The following DGKH variants were observed in gnomAD, a reference collection of about 807,000 sequenced individuals.
DGKH encodes the protein DAG kinase eta.
A neutral mutation model predicts 159.3 loss-of-function variants in DGKH; 90 were observed. The ratio of observed to expected loss-of-function variants is 0.57; its 90% confidence interval spans 0.48 to 0.67. The LOEUF is 0.67. DGKH is among the 30% of genes least tolerant of loss of function. The probability of loss-of-function intolerance (pLI) is 0.00; values close to 1 mark genes in which losing one functional copy is unlikely to be tolerated. For missense variants in DGKH, 1,181 were observed against 1,506.1 expected (o/e 0.78, Z 3.57); for synonymous variants, 536 against 553.8 (o/e 0.97, Z 0.45).
At chr13:42,088,845 A>G (rs1954359091) in intron 1 of DGKH, among the ~76,000 whole-genome samples, 1 of 152,202 alleles carries the variant, frequency 6.6e-6, no homozygotes, top group Admixed American at 6.5e-5. Context: ...AAATCAATAC[A>G]ATCCAATTAT....
chr13:42,199,686 G>A lies in DGKH; in HGVS notation c.2396+10G>A, dbSNP rs1359178484. The A allele has an allele frequency of 8.9e-6, 14 of 1,578,510 alleles. No homozygotes were observed. Among genetic ancestry groups the A allele is most frequent in the Non-Finnish European group, 1.2e-5 (14 of 1,165,804 alleles). On this transcript the variant is annotated intron_variant, in intron 19 of 29. Coordinates refer to ENST00000337343, the MANE Select transcript of DGKH (RefSeq NM_178009.5). ...ACCCTGAAAAATGCAGGTAATTTTA[G>A]TAAAAGTAATAATGCTATTACATAA...
In DGKH at chr13:42,210,771, G is replaced by A. The variant is rs758579576; in HGVS notation, c.3014+6G>A. ...GCAGAGGAGCTCATTACTAGGTAGG[G>A]GGCTCTGCTGACTTTTCAGGCTGTG... is the stretch of plus-strand genomic sequence containing the variant. On this transcript the variant is annotated splice_donor_region_variant and intron_variant, in intron 24 of 29. Transcript: ENST00000337343. 1.0e-5 allele frequency: 16 copies of A among 1,604,938 alleles called. No individual in the cohort carries two copies. The South Asian group carries it at 1.6e-4, about 16-fold the overall frequency.
In DGKH at chr13:42,129,645, T is replaced by C. The variant is rs1286968015; in HGVS notation, c.384+13T>C. 14 of 1,606,578 alleles carry C rather than the reference T, an allele frequency of 8.7e-6. No homozygotes were observed. Among genetic ancestry groups the C allele is most frequent in the Non-Finnish European group, 1.2e-5 (14 of 1,175,230 alleles). The stretch of plus-strand genomic sequence containing the variant: ...CAACAGCTTCACGGTATGGTTATAT[T>C]CTGCTAACTCCCTTCTCAAAAGTTA... On this transcript the variant is annotated intron_variant, in intron 3 of 29. Transcript: ENST00000337343.
chr13:42,174,399 A>C (rs542210015), intron 12 of DGKH, among the ~76,000 whole-genome samples: 19 of 152,154 alleles, frequency 1.2e-4, no homozygotes, highest in African/African-American at 4.6e-4. Flanking sequence ...GGGACTCTTC[A>C]TGTGTAAAGT....
Position 42,241,640 on chromosome 13 carries a change from C to A in DGKH, c.*12452C>A, listed in dbSNP as rs1958516014. On this transcript the variant is annotated 3_prime_UTR_variant, in exon 30 of 30. Transcript: ENST00000337343. ...TATATAAGAGCTGTGCATGGTAAAC[C>A]CACAGTAGAAGGGAAAAAGTAATGC... 1 of 152,126 alleles carries A rather than the reference C, an allele frequency of 6.6e-6. No homozygotes were observed. Among genetic ancestry groups the A allele is most frequent in the African/African-American group, 2.4e-5 (1 of 41,418 alleles). 9.4% of individuals were successfully genotyped at this position (152,126 alleles called of 1,614,324 possible). A position where few individuals can be genotyped will look rare whatever the true frequency, so the allele number is the denominator to read the frequency against.
In DGKH at chr13:42,048,984, GC is replaced by G. The variant is rs1357045918; in HGVS notation, c.192+21del. ...GACCAAGGTAGGGCGGAGGAGGCGGGCCTGAGGGCCGCGTGGAAAGCGGGAG... is the reference window on the plus strand; with the variant it reads ...GACCAAGGTAGGGCGGAGGAGGCGGGCTGAGGGCCGCGTGGAAAGCGGGAG... On this transcript the variant is annotated intron_variant, in intron 1 of 29. Coordinates refer to ENST00000337343, the MANE Select transcript of DGKH (RefSeq NM_178009.5). This position sits in a 1 kb window ranked among gnomAD's most constrained non-coding sequence, Gnocchi z 6.7. The G allele has an allele frequency of 7.9e-7, 1 of 1,271,072 alleles. No individual in the cohort carries two copies. The highest frequency in any genetic ancestry group is 1.0e-6 in the Non-Finnish European group (1 of 1,000,564). The allele number at this position is 1,271,072 out of a possible 1,614,324, so 78.7% of individuals were successfully genotyped here. A position where few individuals can be genotyped will look rare whatever the true frequency, so the allele number is the denominator to read the frequency against.
At chr13:42,180,743 A>G (rs1020815863) in intron 13 of DGKH, among the ~76,000 whole-genome samples, 8 of 152,280 alleles carry the variant, frequency 5.3e-5, no homozygotes, top group Non-Finnish European at 8.8e-5. Context: ...CCCAGATACA[A>G]TTCTAGGGAA....
intron 1 of DGKH, among the ~76,000 whole-genome samples, chr13:42,053,480 CTATA>C (rs1252852683): frequency 7.0e-6 from 1 of 143,742 alleles, no homozygotes; most frequent in Non-Finnish European, 1.5e-5. Flanking sequence ...ATATGTATAA[CTATA>C]TAACTATATG....
In DGKH at chr13:42,166,664, C is replaced by G. The variant is rs766686422; in HGVS notation, c.1108C>G (p.Pro370Ala). 92 of 1,592,532 alleles carry G rather than the reference C, an allele frequency of 5.8e-5. 1 individual carries two copies. The South Asian group carries it at 1.1e-3, about 18-fold the overall frequency. The change falls in exon 9 of 30, where the codon CCT becomes GCT. Residue 370 changes from proline (P) to alanine (A), a missense_variant. Coordinates refer to ENST00000337343, the MANE Select transcript of DGKH (RefSeq NM_178009.5). The part of the protein sequence containing the change: ...AQVFDLMNGG[P>A]HLGLRLFQKF... ...GGTGTTTGATTTAATGAATGGAGGT[C>G]CTCATTTAGGGTAACTGATTATTGA...
At chr13:42,182,443 A>T (rs1206743739) in intron 13 of DGKH, among the ~76,000 whole-genome samples, 2 of 149,394 alleles carry the variant, frequency 1.3e-5, no homozygotes, top group Non-Finnish European at 2.9e-5. Flanking sequence ...ACCCCCTTGG[A>T]TACCAATATT....
chr13:42,071,335 G>T (rs1882955875), intron 1 of DGKH, among the ~76,000 whole-genome samples: 1 of 152,216 alleles, frequency 6.6e-6, no homozygotes, highest in African/African-American at 2.4e-5. Context: ...AGTACTCATA[G>T]TTCAAGAAAG....
chr13:42,168,844 T>C, intron 11 of DGKH, 26 bp downstream of exon 11: 2 of 1,597,184 alleles, frequency 1.3e-6, no homozygotes, highest in Non-Finnish European at 1.7e-6. Flanking sequence ...TTTCTACAAC[T>C]AGATGGAAAA....
intron 30 of DGKH, chr13:42,256,119 A>T (rs1958655582): frequency 1.7e-6 from 2 of 1,186,254 alleles, no homozygotes; most frequent in Non-Finnish European, 2.5e-6. Flanking sequence ...GGCAAGGTGA[A>T]CCCTACTCAG....
chr13:42,153,978 C>T (rs974858116), intron 3 of DGKH: 5 of 152,258 alleles, frequency 3.3e-5, no homozygotes, highest in Admixed American at 3.3e-4. Flanking sequence ...TAGCCTAAAC[C>T]CATGACAAAT....
intron 12 of DGKH, among the ~76,000 whole-genome samples, chr13:42,174,641 C>G (rs1238561521): frequency 6.6e-6 from 1 of 152,150 alleles, no homozygotes; most frequent in Non-Finnish European, 1.5e-5. Flanking sequence ...CCAAACATAC[C>G]AATACTCGTG....
At chr13:42,214,380 A>G in intron 24 of DGKH, 127 bp from the exon 25 acceptor site, 1 of 745,032 alleles carries the variant, frequency 1.3e-6, no homozygotes. Flanking sequence ...AGCAGCCATT[A>G]AAAGTGTTCT....
At chr13:42,199,729 T>C in intron 19 of DGKH, 53 bp downstream of exon 19, 1 of 1,557,052 alleles carries the variant, frequency 6.4e-7, no homozygotes, top group Non-Finnish European at 8.7e-7. Flanking sequence ...TTTTTCTTCA[T>C]TTATTATGTC....
At chr13:42,050,279 G>A (rs554866940) in intron 1 of DGKH, among the ~76,000 whole-genome samples, 2 of 152,340 alleles carry the variant, frequency 1.3e-5, no homozygotes, top group South Asian at 4.1e-4. Flanking sequence ...GCTGAGGCAG[G>A]AGAATCGTTT....
In DGKH at chr13:42,229,261, T is replaced by C. The variant is rs1288529442; in HGVS notation, c.*73T>C. ...AAAGTCCTTGGAAGCAAGTGGCTGT[T>C]CTTGTAGTTTTCTGCATAGATAAGT... On this transcript the variant is annotated 3_prime_UTR_variant, in exon 30 of 30. Transcript: ENST00000337343. 9 of 1,362,270 alleles carry C rather than the reference T, an allele frequency of 6.6e-6. No individual in the cohort carries two copies. The African/African-American group carries it at 1.0e-4, about 16-fold the overall frequency. 84.4% of individuals were successfully genotyped at this position (1,362,270 alleles called of 1,614,324 possible).
Sources: gnomAD v4.1 joint callset for allele counts (sites outside exome capture counted in the v4.1 genomes callset) on GRCh38, gnomAD v4.1.1 for gene constraint, Gnocchi (gnomAD v3.1) non-coding constraint, MANE v1.5 for transcripts, NCBI Gene and HGNC (gene_info 2026-07-23, HGNC 2026-07-21) for gene names.